The following ATPSCKMT variants were observed in gnomAD, a reference collection of about 807,000 sequenced individuals.
ATPSCKMT encodes ATP synthase subunit C lysine N-methyltransferase.
A neutral mutation model predicts 24.3 loss-of-function variants in ATPSCKMT; 24 were observed. The observed-to-expected ratio is 0.99, with a 90% CI of 0.71 to 1.39. The LOEUF (loss-of-function observed/expected upper bound fraction) is 1.39, where lower values mean the gene tolerates loss of function less well. Among genes scored for constraint, ATPSCKMT ranks in the 40% most tolerant of loss-of-function variants. The pLI is 0.00. For synonymous variants in ATPSCKMT, 95 were observed against 110.5 expected (o/e 0.86, Z 0.88); for missense variants, 311 against 298.4 (o/e 1.04, Z -0.31).
intron 1 of ATPSCKMT, chr5:10,244,508 A>G (rs1239091485): frequency 6.6e-6 from 1 of 152,196 alleles, no homozygotes. Context: ...AGCCTGCGCA[A>G]TAATAGCAAA....
Position 10,239,194 on chromosome 5 carries a change from G to A in ATPSCKMT, c.179C>T (p.Thr60Met), listed in dbSNP as rs750764838. 26 of 1,614,082 alleles carry A rather than the reference G, an allele frequency of 1.6e-5. No individual in the cohort carries two copies. Among genetic ancestry groups the A allele is most frequent in the South Asian group, 1.1e-4 (10 of 91,094 alleles). ...AVYAVATPFVTPALRKVCLPF... is the reference protein window; with the variant it reads ...AVYAVATPFVMPALRKVCLPF... Reference sequence around the variant, plus strand: ...CAAACAGACTTTTCGAAGGGCTGGCGTTACAAACGGCGTGGCTACAGCGTA... The same window carrying A: ...CAAACAGACTTTTCGAAGGGCTGGCATTACAAACGGCGTGGCTACAGCGTA... The change falls in exon 2 of 5, where the codon ACG becomes ATG. Residue 60 changes from threonine (T) to methionine (M), a missense_variant. Transcript: ENST00000511437.
At chr5:10,239,576 CTT>C (rs1296319388) in intron 1 of ATPSCKMT, among the ~76,000 whole-genome samples, 5 of 152,140 alleles carry the variant, frequency 3.3e-5, no homozygotes, top group African/African-American at 1.2e-4. Context: ...AGACTAAAAT[CTT>C]TTCTTTCCAA....
chr5:10,236,330 T>C (rs2126440333), intron 3 of ATPSCKMT, 148 bp downstream of exon 3: 2 of 997,952 alleles, frequency 2.0e-6, no homozygotes, highest in East Asian at 2.7e-5. Context: ...GTAAAACGTA[T>C]CAATTTTACA....
chr5:10,239,907 G>A (rs971497174), intron 1 of ATPSCKMT, among the ~76,000 whole-genome samples: 1 of 152,078 alleles, frequency 6.6e-6, no homozygotes, highest in Non-Finnish European at 1.5e-5. Flanking sequence ...TGGTAATAAA[G>A]AGACTTTTAC....
chr5:10,239,217 G>A lies in ATPSCKMT; in HGVS notation c.156C>T (p.Tyr52=), dbSNP rs35442340. ...GCGTTACAAACGGCGTGGCTACAGC[G>A]TACACAGCCACCAGGGTGCCACCCA... ...GLVGGTLVAV[Y]AVATPFVTPA... Residue 52 remains tyrosine, a synonymous_variant, in exon 2 of 5, where the codon TAC becomes TAT. Coordinates refer to ENST00000511437, the MANE Select transcript of ATPSCKMT (RefSeq NM_199133.4). 2,171 of 1,614,194 alleles carry A rather than the reference G, an allele frequency of 1.3e-3. 12 individuals are homozygous for A. In the African/African-American group the frequency reaches 0.015, roughly 11 times the overall value.
At chr5:10,230,597 CG>C (rs1411883094) in intron 4 of ATPSCKMT, among the ~76,000 whole-genome samples, 1 of 152,106 alleles carries the variant, frequency 6.6e-6, no homozygotes, top group African/African-American at 2.4e-5. Flanking sequence ...GTCATGTCTG[CG>C]TAAAGGAATT....
chr5:10,237,699 C>G (rs1056678269), intron 2 of ATPSCKMT, among the ~76,000 whole-genome samples: 5 of 152,172 alleles, frequency 3.3e-5, no homozygotes, highest in African/African-American at 1.2e-4. Context: ...CTTTTGTAAA[C>G]TGCCCAGTCT....
At chr5:10,237,026 T>A (rs1744406578) in intron 2 of ATPSCKMT, 1 of 1,294,036 alleles carries the variant, frequency 7.7e-7, no homozygotes, top group African/African-American at 1.5e-5. Flanking sequence ...AGTAATAATA[T>A]GCAATAAAAA....
intron 1 of ATPSCKMT, among the ~76,000 whole-genome samples, chr5:10,247,377 G>A (rs1298106571): frequency 1.3e-5 from 2 of 152,212 alleles, no homozygotes; most frequent in East Asian, 1.9e-4. Flanking sequence ...GTCTCACTCT[G>A]TCGTCCAGGC....
chr5:10,242,489 A>G (rs920712228), intron 1 of ATPSCKMT, among the ~76,000 whole-genome samples: 5 of 152,168 alleles, frequency 3.3e-5, no homozygotes, highest in African/African-American at 1.2e-4. Flanking sequence ...CTCTCTTGCT[A>G]TTTCCACCAC....
intron 2 of ATPSCKMT, 63 bp from the exon 3 acceptor site, chr5:10,236,678 A>G: frequency 6.3e-7 from 1 of 1,588,006 alleles, no homozygotes; most frequent in Non-Finnish European, 8.6e-7. Flanking sequence ...TGGTCAAACA[A>G]TATGAATATT....
At chr5:10,237,071 T>A in intron 2 of ATPSCKMT, 1 of 1,234,516 alleles carries the variant, frequency 8.1e-7, no homozygotes, top group Middle Eastern at 2.2e-4. Flanking sequence ...ATTAGTTACA[T>A]ATTTCCTTTG....
rs1355096 is a variant in ATPSCKMT, at chr5:10,225,913, T to C, written c.*1528A>G. On this transcript the variant is annotated 3_prime_UTR_variant, in exon 5 of 5. Coordinates refer to ENST00000511437, the MANE Select transcript of ATPSCKMT (RefSeq NM_199133.4). ...GTGCCCAGACCAGTTACAGGACTGG[T>C]TACAGTGGAAGGCAACTGAGAGGCA... is the stretch of plus-strand genomic sequence containing the variant. Among the ~76,000 whole-genome samples, 92,336 of 152,020 alleles carry C rather than the reference T, an allele frequency of 0.61. 29,373 individuals are homozygous for C. Among genetic ancestry groups the C allele is most frequent in the East Asian group, 0.83 (4,318 of 5,178 alleles).
chr5:10,228,775 A>G (rs190148726), intron 4 of ATPSCKMT, among the ~76,000 whole-genome samples: 28 of 151,568 alleles, frequency 1.8e-4, no homozygotes, highest in Admixed American at 1.6e-3. Context: ...CGCCTCCTAG[A>G]CTCAAATCAT....
intron 4 of ATPSCKMT, among the ~76,000 whole-genome samples, chr5:10,231,338 G>T (rs897785098): frequency 1.3e-5 from 2 of 152,054 alleles, no homozygotes; most frequent in Non-Finnish European, 2.9e-5. Context: ...CTGGACACCT[G>T]CAAGAGCTTA....
chr5:10,233,913 A>C (rs1219198933), intron 4 of ATPSCKMT, among the ~76,000 whole-genome samples: 1 of 152,240 alleles, frequency 6.6e-6, no homozygotes, highest in Non-Finnish European at 1.5e-5. Flanking sequence ...TTTAAAAATG[A>C]CCAGGGAGTG....
At chr5:10,246,849 A>G (rs1429589885) in intron 1 of ATPSCKMT, among the ~76,000 whole-genome samples, 5 of 152,364 alleles carry the variant, frequency 3.3e-5, no homozygotes, top group East Asian at 3.9e-4. Flanking sequence ...GAGAAATGCT[A>G]TAACACAAAC....
chr5:10,234,094 G>A lies in ATPSCKMT; in HGVS notation c.495+1117C>T, dbSNP rs182391270. On this transcript the variant is annotated intron_variant, in intron 4 of 4. Transcript: ENST00000511437. The stretch of plus-strand genomic sequence containing the variant: ...TGTAATCCTAGCACTTTGGGAGGCC[G>A]AAGCAGGCAAATCACTGGAGGTCAG... 5.2e-3 allele frequency among the ~76,000 whole-genome samples: 791 copies of A among 152,316 alleles called. 5 individuals are homozygous for A. The highest frequency in any genetic ancestry group is 7.7e-3 in the Non-Finnish European group (526 of 68,032).
chr5:10,228,548 A>G (rs1743985223), intron 4 of ATPSCKMT, among the ~76,000 whole-genome samples: 1 of 152,078 alleles, frequency 6.6e-6, no homozygotes, highest in Admixed American at 6.5e-5. Context: ...ATATATTACC[A>G]CCTTCACCAC....
Sources: allele counts gnomAD v4.1 joint callset (sites outside exome capture counted in the v4.1 genomes callset), GRCh38; gene constraint gnomAD v4.1.1; transcripts MANE v1.5; gene names NCBI Gene and HGNC (gene_info 2026-07-23, HGNC 2026-07-21).